UST: variants seen among roughly 807,000 people sequenced by gnomAD.
UST encodes the protein uronyl 2-sulfotransferase, also known as chondroitin sulfate 2-O-sulfotransferase.
Under a neutral mutation model 45.6 loss-of-function variants are expected in UST, and 21 were observed. That is an observed-to-expected ratio of 0.46 (90% CI 0.33 to 0.66). UST has a LOEUF of 0.66. UST is among the 30% of genes least tolerant of loss of function. The pLI is 0.02. For missense variants in UST, 463 were observed against 512.4 expected (o/e 0.90, Z 0.93); for synonymous variants, 215 against 200.6 (o/e 1.07, Z -0.61).
chr6:148,823,503 T>A (rs1049575373), intron 1 of UST, among the ~76,000 whole-genome samples: 45 of 152,210 alleles, frequency 3.0e-4, no homozygotes, highest in Non-Finnish European at 4.4e-5. Flanking sequence ...ATAAGCATAA[T>A]TTAGAGGAGA....
chr6:148,754,967 G>C (rs962907743), intron 1 of UST, among the ~76,000 whole-genome samples: 1 of 152,098 alleles, frequency 6.6e-6, no homozygotes, highest in Non-Finnish European at 1.5e-5. Flanking sequence ...TTATCTCTAA[G>C]GTATGATAAT....
intron 7 of UST, among the ~76,000 whole-genome samples, chr6:149,035,780 G>A (rs4897076): frequency 0.63 from 94,568 of 151,190 alleles, 29,800 homozygotes; most frequent in Non-Finnish European, 0.66. Flanking sequence ...AAAAAAAAGC[G>A]AAGAAAAGCT....
intron 3 of UST, among the ~76,000 whole-genome samples, chr6:148,947,573 A>G (rs1780270935): frequency 6.6e-6 from 1 of 152,190 alleles, no homozygotes; most frequent in Non-Finnish European, 1.5e-5. Context: ...CGCTAGGAAA[A>G]TCCCGCTGTC....
chr6:148,844,130 G>GACTTAGCACTGTTTATGT (rs1777939075), intron 1 of UST, among the ~76,000 whole-genome samples: 1 of 152,134 alleles, frequency 6.6e-6, no homozygotes, highest in African/African-American at 2.4e-5. Flanking sequence ...ATCTCTGTAT[G>GACTTAGCACTGTTTATGT]ACTTAGCACT....
At chr6:148,964,187 GCC>G (rs2114957860) in intron 4 of UST, among the ~76,000 whole-genome samples, 2 of 152,290 alleles carry the variant, frequency 1.3e-5, no homozygotes, top group African/African-American at 4.8e-5. Context: ...TGTCCTCACA[GCC>G]CCTCAACAGG....
chr6:148,805,854 A>T (rs1238921314), intron 1 of UST, among the ~76,000 whole-genome samples: 1 of 152,216 alleles, frequency 6.6e-6, no homozygotes, highest in Non-Finnish European at 1.5e-5. Context: ...CATTTTTCAC[A>T]TTCTTATCTC....
At chr6:148,751,432 A>G (rs1775989154) in intron 1 of UST, among the ~76,000 whole-genome samples, 1 of 152,192 alleles carries the variant, frequency 6.6e-6, no homozygotes, top group South Asian at 2.1e-4. Context: ...AGTGTGGGGA[A>G]GGACGAGAAC....
intron 2 of UST, among the ~76,000 whole-genome samples, chr6:148,908,195 G>GT (rs1262821925): frequency 2.6e-5 from 4 of 152,042 alleles, no homozygotes; most frequent in Non-Finnish European, 5.9e-5. Context: ...TTTGGCTCGA[G>GT]TCAAATCAAT....
chr6:148,837,600 C>T (rs746577256), intron 1 of UST, among the ~76,000 whole-genome samples: 2 of 152,002 alleles, frequency 1.3e-5, no homozygotes, highest in Non-Finnish European at 2.9e-5. Context: ...GATATGTATT[C>T]AACAAATATT....
intron 1 of UST, among the ~76,000 whole-genome samples, chr6:148,793,412 A>G (rs1274444335): frequency 1.3e-5 from 2 of 152,186 alleles, no homozygotes; most frequent in African/African-American, 4.8e-5. Context: ...CTCAAACAGG[A>G]TAGACCAGGT....
At chr6:148,768,897 TTCTCA>T (rs1776368700) in intron 1 of UST, among the ~76,000 whole-genome samples, 1 of 152,212 alleles carries the variant, frequency 6.6e-6, no homozygotes, top group African/African-American at 2.4e-5. Context: ...TCAGCTATGA[TTCTCA>T]GCACAGGTCC....
chr6:149,008,560 C>G (rs1243951972), intron 5 of UST, among the ~76,000 whole-genome samples: 2 of 152,154 alleles, frequency 1.3e-5, no homozygotes, highest in Non-Finnish European at 2.9e-5. Flanking sequence ...TGGGAGAAGG[C>G]ATACAATGTT....
chr6:149,001,552 A>G (rs1018884406), intron 5 of UST, among the ~76,000 whole-genome samples: 5 of 152,256 alleles, frequency 3.3e-5, no homozygotes, highest in Admixed American at 3.3e-4. Context: ...GCAACAATAG[A>G]TATCAGATGA....
Position 148,808,062 on chromosome 6 carries a change from C to T in UST, c.247+60385C>T, listed in dbSNP as rs557860768. On this transcript the variant is annotated intron_variant, in intron 1 of 7. Transcript: ENST00000367463. ...GCAGGGCTGGGGCTGGTTGGGGTTACGGGTATCAGTGGTATGGCTAAGACA... is the reference window on the plus strand; with the variant it reads ...GCAGGGCTGGGGCTGGTTGGGGTTATGGGTATCAGTGGTATGGCTAAGACA... Among the ~76,000 whole-genome samples the T allele has an allele frequency of 1.0e-3, 158 of 152,074 alleles. 2 individuals carry two copies. The highest frequency in any genetic ancestry group is 6.2e-3 in the South Asian group (30 of 4,820).
intron 1 of UST, among the ~76,000 whole-genome samples, chr6:148,751,157 G>T (rs1301579861): frequency 6.6e-6 from 1 of 152,230 alleles, no homozygotes. Context: ...TGAGAGAAAG[G>T]AGGAATGTGA....
rs150278290 is a variant in UST at position 148,807,638 on chromosome 6, C to T, written c.247+59961C>T. Among the ~76,000 whole-genome samples the T allele has an allele frequency of 4.6e-3, 699 of 152,144 alleles. 1 individual carries two copies. Among genetic ancestry groups the T allele is most frequent in the Middle Eastern group, 0.014 (4 of 294 alleles). The stretch of plus-strand genomic sequence containing the variant: ...AGGGGCAACTCAGGGTGAGACAGTG[C>T]GTGGTACATTGACAGATACAGCTTT... On this transcript the variant is annotated intron_variant, in intron 1 of 7. Coordinates refer to ENST00000367463, the MANE Select transcript of UST (RefSeq NM_005715.3).
At chr6:148,910,957 G>C (rs1779462874) in intron 2 of UST, among the ~76,000 whole-genome samples, 1 of 152,116 alleles carries the variant, frequency 6.6e-6, no homozygotes, top group Admixed American at 6.5e-5. Context: ...TTGGGGAACA[G>C]ACCCTTGTCC....
chr6:148,939,245 A>C (rs1780079160), intron 2 of UST, among the ~76,000 whole-genome samples: 1 of 152,212 alleles, frequency 6.6e-6, no homozygotes, highest in Non-Finnish European at 1.5e-5. Flanking sequence ...GGATTGGAAG[A>C]CAATATTGTT....
At chr6:149,071,683 C>A (rs1776820639) in intron 7 of UST, among the ~76,000 whole-genome samples, 2 of 151,978 alleles carry the variant, frequency 1.3e-5, no homozygotes. Flanking sequence ...AGTGAAAAGA[C>A]AGCCTGTGGA....
Sources: allele counts gnomAD v4.1 joint callset (sites outside exome capture counted in the v4.1 genomes callset), GRCh38; gene constraint gnomAD v4.1.1; transcripts MANE v1.5; gene names NCBI Gene and HGNC (gene_info 2026-07-23, HGNC 2026-07-21).